Variants in SSH2 observed in about 807,000 individuals in gnomAD.
The protein encoded by SSH2 is protein phosphatase Slingshot homolog 2.
In SSH2, 37 loss-of-function variants were observed where a neutral mutation model predicts 135.2. The ratio of observed to expected loss-of-function variants is 0.27; its 90% CI spans 0.21 to 0.36. The LOEUF (loss-of-function observed/expected upper bound fraction) is 0.36. Ranked by LOEUF, SSH2 falls within the 10% of genes least tolerant of loss-of-function variation. SSH2 has a pLI of 1.00. For synonymous variants in SSH2, 628 were observed against 646.2 expected, an observed-to-expected ratio of 0.97 and a Z score of 0.43; for missense variants, 1,408 against 1,765.3, an observed-to-expected ratio of 0.80 and a Z score of 3.63.
intron 12 of SSH2, among the ~76,000 whole-genome samples, chr17:29,655,295 G>A (rs1413013642): frequency 5.9e-5 from 9 of 152,092 alleles, no homozygotes; most frequent in South Asian, 2.1e-4. Context: ...TAGTAGAGAC[G>A]GGGTTTCACT....
rs561394499 is a variant in SSH2, at chr17:29,842,013, T to C, written c.144+6836A>G. On this transcript the variant is annotated intron_variant, in intron 2 of 15. Transcript: ENST00000540801. ...CCTCCCAAAGTGCTGGGATTACAGG[T>C]GTGCACCACTGTCCCCAGCCCAAAC... Among the ~76,000 whole-genome samples the C allele has an allele frequency of 2.0e-5, 3 of 148,504 alleles. No homozygotes were observed. The East Asian group carries it at 6.0e-4, about 30-fold the overall frequency.
chr17:29,818,834 T>A (rs1387900353), intron 2 of SSH2, among the ~76,000 whole-genome samples: 3 of 151,514 alleles, frequency 2.0e-5, no homozygotes, highest in African/African-American at 7.3e-5. Flanking sequence ...CAGCTGGCCA[T>A]CCCAACACTT....
chr17:29,650,829 C>T, intron 12 of SSH2, 29 bp from the exon 13 acceptor site: 1 of 1,555,010 alleles, frequency 6.4e-7, no homozygotes, highest in South Asian at 1.2e-5. Context: ...AGAATATGTG[C>T]TCTACTACTC....
chr17:29,890,286 C>A (rs1173446262), intron 1 of SSH2, among the ~76,000 whole-genome samples: 1 of 152,160 alleles, frequency 6.6e-6, no homozygotes, highest in African/African-American at 2.4e-5. Context: ...TTATCATATG[C>A]TCTAGCAATC....
At position 29,711,185 on chromosome 17, in the gene SSH2, T is replaced by A. The variant is rs189090986; in HGVS notation, c.189-8123A>T. 1.7e-3 allele frequency among the ~76,000 whole-genome samples: 266 copies of A among 152,328 alleles called. 1 individual carries two copies. Among genetic ancestry groups the A allele is most frequent in the Non-Finnish European group, 2.7e-3 (184 of 68,034 alleles). On this transcript the variant is annotated intron_variant, in intron 3 of 15. Transcript: ENST00000540801. ...AACCATCAGACTTAGTTCCAGCTCA[T>A]CTTCCACTTAAACTCTGTTGCACAA...
chr17:29,681,362 A>T lies in SSH2; in HGVS notation c.479+3201T>A, dbSNP rs1374083838. 2.0e-5 allele frequency among the ~76,000 whole-genome samples: 3 copies of T among 147,976 alleles called. No individual in the cohort carries two copies. The East Asian group carries it at 5.8e-4, about 29-fold the overall frequency. ...AAAAAAAAAAAAAAAAAAAAAAAAA[A>T]GTAGCTTTTTCACGCAACAGGAAGG... is the stretch of plus-strand genomic sequence containing the variant. On this transcript the variant is annotated intron_variant, in intron 6 of 15. Transcript: ENST00000540801.
At chr17:29,888,700 G>C (rs2066286258) in intron 1 of SSH2, among the ~76,000 whole-genome samples, 1 of 151,562 alleles carries the variant, frequency 6.6e-6, no homozygotes, top group African/African-American at 2.4e-5. Context: ...TTGAGAGGCT[G>C]AGGTGGGAGG....
intron 1 of SSH2, among the ~76,000 whole-genome samples, chr17:29,886,553 C>A (rs2066241472): frequency 6.6e-6 from 1 of 151,900 alleles, no homozygotes; most frequent in Non-Finnish European, 1.5e-5. Flanking sequence ...TTGGGACCAG[C>A]CTGACCAATA....
At chr17:29,918,739 C>G (rs188096943) in intron 1 of SSH2, among the ~76,000 whole-genome samples, 2 of 152,198 alleles carry the variant, frequency 1.3e-5, no homozygotes, top group Non-Finnish European at 2.9e-5. Flanking sequence ...GAGTTCAAGA[C>G]CAGCTTGGCC....
At chr17:29,926,502 C>T (rs562943233) in intron 1 of SSH2, among the ~76,000 whole-genome samples, 1 of 150,808 alleles carries the variant, frequency 6.6e-6, no homozygotes, top group African/African-American at 2.4e-5. Flanking sequence ...TGCAGTGAGC[C>T]GAGATTGTGC....
At chr17:29,750,165 G>T (rs2040883197) in intron 3 of SSH2, among the ~76,000 whole-genome samples, 1 of 151,256 alleles carries the variant, frequency 6.6e-6, no homozygotes, top group Admixed American at 6.6e-5. Context: ...TGGCCGGGAG[G>T]GGTGGCTCAT....
chr17:29,643,413 CTTTT>C (rs34985622), intron 14 of SSH2: 147 of 182,430 alleles, frequency 8.1e-4, no homozygotes, highest in Non-Finnish European at 1.3e-3. Context: ...TGTGAATACG[CTTTT>C]TTTTTTTTTT....
chr17:29,747,209 G>C (rs1353366036), intron 3 of SSH2, among the ~76,000 whole-genome samples: 1 of 152,108 alleles, frequency 6.6e-6, no homozygotes, highest in East Asian at 1.9e-4. Flanking sequence ...AAATAGTTTA[G>C]TTCATTACCA....
In SSH2 at chr17:29,707,769, G is replaced by A. The variant is rs142570549; in HGVS notation, c.189-4707C>T. The stretch of plus-strand genomic sequence containing the variant: ...TGGAACTCCTGATCTTAAGTGATCC[G>A]CCCGCCTTGGCCTCCCAAAGTGCTG... On this transcript the variant is annotated intron_variant, in intron 3 of 15. Transcript: ENST00000540801. Among the ~76,000 whole-genome samples, 387 of 152,082 alleles carry A rather than the reference G, an allele frequency of 2.5e-3. 2 individuals carry two copies. Among genetic ancestry groups the A allele is most frequent in the African/African-American group, 7.0e-3 (290 of 41,490 alleles).
chr17:29,712,837 A>G lies in SSH2; in HGVS notation c.189-9775T>C, dbSNP rs78176395. Among the ~76,000 whole-genome samples, 1,338 of 152,290 alleles carry G rather than the reference A, an allele frequency of 8.8e-3. 48 individuals are homozygous for G. In the East Asian group the frequency reaches 0.12, roughly 14 times the overall value. Reference sequence around the variant, plus strand: ...CAAAACAAAACATTTATGAGCTTGTAACAGAGAATCTAATATATCAACTGA... The same window carrying G: ...CAAAACAAAACATTTATGAGCTTGTGACAGAGAATCTAATATATCAACTGA... On this transcript the variant is annotated intron_variant, in intron 3 of 15. Transcript: ENST00000540801.
Position 29,738,558 on chromosome 17 carries a change from TTA to T in SSH2, c.189-35498_189-35497del, listed in dbSNP as rs1224771245. Among the ~76,000 whole-genome samples the T allele has an allele frequency of 4.0e-5, 6 of 148,592 alleles. 2 individuals are homozygous for T. The highest frequency in any genetic ancestry group is 2.5e-5 in the African/African-American group (1 of 40,308). On this transcript the variant is annotated intron_variant, in intron 3 of 15. Transcript: ENST00000540801. Reference sequence around the variant, plus strand: ...CTTTTTTTTTCTTTTTTATTTTATTTTATTTTTTTTTTTGAGACGGAGTCTCG... The same window carrying T: ...CTTTTTTTTTCTTTTTTATTTTATTTTTTTTTTTTTTGAGACGGAGTCTCG...
intron 2 of SSH2, among the ~76,000 whole-genome samples, chr17:29,829,065 C>A (rs754277143): frequency 5.3e-5 from 8 of 152,078 alleles, no homozygotes; most frequent in Admixed American, 6.6e-5. Context: ...CACATGTGAC[C>A]CATGAATGGA....
At chr17:29,680,551 C>CA (rs1160865828) in intron 6 of SSH2, among the ~76,000 whole-genome samples, 1,855 of 21,460 alleles carry the variant, frequency 0.086, 614 homozygotes, top group Middle Eastern at 0.21. Context: ...GACTCCCTCT[C>CA]AAAAAAAAAA....
At chr17:29,678,976 A>G (rs1778919928) in intron 6 of SSH2, among the ~76,000 whole-genome samples, 1 of 151,814 alleles carries the variant, frequency 6.6e-6, no homozygotes, top group Admixed American at 6.6e-5. Context: ...TCAGCCTCCC[A>G]AAGTGTTGGG....
Sources: gnomAD v4.1 joint callset for allele counts (sites outside exome capture counted in the v4.1 genomes callset) on GRCh38, gnomAD v4.1.1 for gene constraint, MANE v1.5 for transcripts, NCBI Gene and HGNC (gene_info 2026-07-23, HGNC 2026-07-21) for gene names.